Variants in ENTPD1 observed in about 807,000 individuals in gnomAD.
ENTPD1 encodes ectonucleoside triphosphate diphosphohydrolase 1, also known as ATP diphosphohydrolase.
A neutral mutation model predicts 57.0 loss-of-function variants in ENTPD1; 33 were observed. That is an observed-to-expected ratio of 0.58 (90% CI 0.44 to 0.77). ENTPD1 has a LOEUF of 0.77. Among genes scored for constraint, ENTPD1 ranks in the 30% least tolerant of loss-of-function variants. The pLI, the probability that ENTPD1 is intolerant of heterozygous loss-of-function variation, is 0.00. For missense variants in ENTPD1, 501 were observed against 603.4 expected, an observed-to-expected ratio of 0.83 and a Z score of 1.78; for synonymous variants, 202 against 218.8, an observed-to-expected ratio of 0.92 and a Z score of 0.68.
intron 1 of ENTPD1, among the ~76,000 whole-genome samples, chr10:95,808,830 G>T (rs2098283906): frequency 6.6e-6 from 1 of 151,928 alleles, no homozygotes; most frequent in Non-Finnish European, 1.5e-5. Flanking sequence ...ATAAACACGT[G>T]AACAAAGGTC....
intron 1 of ENTPD1, among the ~76,000 whole-genome samples, chr10:95,779,647 T>TTG (rs149981537): frequency 6.6e-6 from 1 of 151,840 alleles, no homozygotes; most frequent in Admixed American, 6.6e-5. Context: ...TTAGTTAGGG[T>TTG]TGTGTGTGTG....
chr10:95,858,023 T>G (rs952210441), intron 7 of ENTPD1, among the ~76,000 whole-genome samples: 1 of 151,900 alleles, frequency 6.6e-6, no homozygotes, highest in Non-Finnish European at 1.5e-5. Flanking sequence ...CCGGGCGTGG[T>G]GGCAGGCGCC....
At chr10:95,736,569 G>A (rs1336660058) in intron 1 of ENTPD1, among the ~76,000 whole-genome samples, 1 of 151,722 alleles carries the variant, frequency 6.6e-6, no homozygotes, top group Non-Finnish European at 1.5e-5. Context: ...TGCATGATGT[G>A]CATATATAGG....
In ENTPD1 at chr10:95,876,022, A is replaced by G. The variant is rs1027561015; in HGVS notation, c.*9639A>G. On this transcript the variant is annotated 3_prime_UTR_variant, in exon 10 of 10. Transcript: ENST00000371205. ...AGTACAATCTCTTGCTATATGACAC[A>G]ATAATTATTTGCAAAATGAGTAAAC... The G allele has an allele frequency of 5.1e-6, 5 of 985,288 alleles. No homozygotes were observed. Among genetic ancestry groups the G allele is most frequent in the East Asian group, 1.1e-4 (1 of 8,832 alleles). The allele number at this position is 985,288 out of a possible 1,614,324, so 61.0% of individuals were successfully genotyped here. A position where few individuals can be genotyped will look rare whatever the true frequency, so the allele number is the denominator to read the frequency against.
upstream of ENTPD1, among the ~76,000 whole-genome samples, chr10:95,710,749 C>A (rs1471661897): frequency 2.0e-5 from 3 of 152,104 alleles, no homozygotes; most frequent in Admixed American, 2.0e-4. Context: ...CATTTCATCC[C>A]TTGGAGACTG....
At chr10:95,812,460 A>G (rs889127465) in intron 1 of ENTPD1, among the ~76,000 whole-genome samples, 6 of 152,296 alleles carry the variant, frequency 3.9e-5, no homozygotes, top group Middle Eastern at 3.4e-3. Context: ...TCATTGTATG[A>G]TTGTTCCCAA....
chr10:95,770,186 C>T (rs1311757777), intron 1 of ENTPD1, among the ~76,000 whole-genome samples: 1 of 149,248 alleles, frequency 6.7e-6, no homozygotes. Flanking sequence ...GATGCTCCAA[C>T]TTTAAAGGTT....
At chr10:95,782,480 G>C (rs1029557312) in intron 1 of ENTPD1, among the ~76,000 whole-genome samples, 1 of 152,178 alleles carries the variant, frequency 6.6e-6, no homozygotes, top group Non-Finnish European at 1.5e-5. Context: ...TATGACTGGG[G>C]CTAGTAGTTC....
chr10:95,759,608 C>T (rs2098047153), intron 1 of ENTPD1, among the ~76,000 whole-genome samples: 1 of 152,212 alleles, frequency 6.6e-6, no homozygotes, highest in Non-Finnish European at 1.5e-5. Flanking sequence ...CCTCCCTTTC[C>T]TCTTCCTGGC....
intron 1 of ENTPD1, among the ~76,000 whole-genome samples, chr10:95,743,255 T>C (rs1414725142): frequency 1.3e-5 from 2 of 152,230 alleles, no homozygotes; most frequent in Non-Finnish European, 2.9e-5. Flanking sequence ...GCTCGAGTTA[T>C]GCACTTTTTG....
In ENTPD1 at chr10:95,791,290, G is replaced by A. The variant is rs1171846092; in HGVS notation, c.17-31947G>A. ...TATTTTGAGAAGGACATTACAAACT[G>A]AAGGGCATCTAGTGGAGGGTAATTA... On this transcript the variant is annotated intron_variant, in intron 1 of 9. Transcript: ENST00000371205. The surrounding 1 kb of genome is among the most constrained non-coding windows in gnomAD (Gnocchi z 4.1). Among the ~76,000 whole-genome samples the A allele has an allele frequency of 6.6e-6, 1 of 152,174 alleles. No individual in the cohort carries two copies. Among genetic ancestry groups the A allele is most frequent in the African/African-American group, 2.4e-5 (1 of 41,442 alleles).
intron 1 of ENTPD1, among the ~76,000 whole-genome samples, chr10:95,712,817 G>A (rs1186443753): frequency 5.3e-5 from 8 of 152,112 alleles, no homozygotes; most frequent in Admixed American, 5.2e-4. Flanking sequence ...GGCAGATCAT[G>A]AGGTCAGGAG....
the ENTPD1 span, among the ~76,000 whole-genome samples, chr10:95,703,224 T>G: frequency 9.2e-5 from 14 of 152,084 alleles, no homozygotes; most frequent in African/African-American, 3.1e-4. Flanking sequence ...AACCAAAAAC[T>G]GAGGGAAAAA....
At chr10:95,723,046 G>A (rs553462778) in intron 1 of ENTPD1, among the ~76,000 whole-genome samples, 40 of 152,288 alleles carry the variant, frequency 2.6e-4, no homozygotes, top group African/African-American at 8.9e-4. Flanking sequence ...GGCCATCTGC[G>A]GGTTACTGGG....
At chr10:95,723,837 C>T (rs1370505548) in intron 1 of ENTPD1, among the ~76,000 whole-genome samples, 1 of 152,090 alleles carries the variant, frequency 6.6e-6, no homozygotes, top group East Asian at 1.9e-4. Context: ...GACCAACATT[C>T]CCAACCCACA....
chr10:95,839,735 C>T lies in ENTPD1; in HGVS notation c.189C>T (p.Tyr63=). Residue 63 remains tyrosine (Y), a synonymous_variant, in exon 3 of 10, where the codon TAC becomes TAT. Coordinates refer to ENST00000371205, the MANE Select transcript of ENTPD1 (RefSeq NM_001776.6). ...LDAGSSHTSL[Y]IYKWPAEKEN... ...CGGGTTCTTCTCACACAAGTTTATA[C>T]ATCTATAAGTGGCCAGCAGAAAAGG... 3 of 1,614,028 alleles carry T rather than the reference C, an allele frequency of 1.9e-6. No homozygotes were observed. In the South Asian group the frequency reaches 3.3e-5, roughly 18 times the overall value.
upstream of ENTPD1, chr10:95,756,129 C>T: frequency 6.5e-7 from 1 of 1,547,614 alleles, no homozygotes; most frequent in Non-Finnish European, 8.7e-7. Flanking sequence ...GCCCAAGGGT[C>T]TGTTATATCT....
chr10:95,805,406 C>A (rs1320247769), intron 1 of ENTPD1, among the ~76,000 whole-genome samples: 1 of 152,104 alleles, frequency 6.6e-6, no homozygotes, highest in Non-Finnish European at 1.5e-5. Flanking sequence ...GATGGGTCTC[C>A]TGAATATAGC....
At chr10:95,758,026 AAAAAG>A (rs759148770) in intron 1 of ENTPD1, among the ~76,000 whole-genome samples, 27,379 of 87,428 alleles carry the variant, frequency 0.31, 4,516 homozygotes, top group Admixed American at 0.43. Context: ...AAAAAAAAAA[AAAAAG>A]ATTTGGACTG....
Sources: allele counts gnomAD v4.1 joint callset (sites outside exome capture counted in the v4.1 genomes callset), GRCh38; gene constraint gnomAD v4.1.1; non-coding constraint Gnocchi (gnomAD v3.1); transcripts MANE v1.5; gene names NCBI Gene and HGNC (gene_info 2026-07-23, HGNC 2026-07-21).